DLC1: variants seen among roughly 807,000 people sequenced by gnomAD.
The protein encoded by DLC1 is DLC1 Rho GTPase activating protein, also known as rho GTPase-activating protein 7.
In DLC1, 54 loss-of-function variants were observed where a neutral mutation model predicts 140.3. That is an observed-to-expected ratio of 0.38 (90% CI 0.31 to 0.48). DLC1 has a LOEUF of 0.48. Ranked by LOEUF, DLC1 falls within the 20% of genes least tolerant of loss-of-function variation. The probability of loss-of-function intolerance (pLI) is 0.96; values close to 1 mark genes in which losing one functional copy is unlikely to be tolerated. For missense variants in DLC1, 2,536 were observed against 1,907.0 expected (o/e 1.33, Z -6.14); for synonymous variants, 986 against 728.1 (o/e 1.35, Z -5.70).
At chr8:13,345,298 G>A (rs958142861) in intron 4 of DLC1, among the ~76,000 whole-genome samples, 5 of 152,086 alleles carry the variant, frequency 3.3e-5, no homozygotes, top group African/African-American at 1.2e-4. Flanking sequence ...GTAATAACAA[G>A]CAACTTGAGA....
At chr8:13,598,349 A>T (rs997814834) in intron 1 of DLC1, among the ~76,000 whole-genome samples, 4 of 151,452 alleles carry the variant, frequency 2.6e-5, no homozygotes, top group Middle Eastern at 3.2e-3. Context: ...AAACACAACA[A>T]GGGTGTCTCT....
chr8:13,508,970 C>T (rs980976696), intron 1 of DLC1, among the ~76,000 whole-genome samples: 1 of 152,074 alleles, frequency 6.6e-6, no homozygotes, highest in Non-Finnish European at 1.5e-5. Flanking sequence ...GATCTTGTTT[C>T]ACTTGAAATT....
intron 5 of DLC1, among the ~76,000 whole-genome samples, chr8:13,292,889 C>T (rs889746593): frequency 1.3e-5 from 2 of 152,010 alleles, no homozygotes; most frequent in Non-Finnish European, 2.9e-5. Context: ...TAGTTAGGAG[C>T]AGCAGCATGT....
intron 4 of DLC1, among the ~76,000 whole-genome samples, chr8:13,375,792 A>G (rs1007462326): frequency 6.6e-6 from 1 of 152,144 alleles, no homozygotes; most frequent in African/African-American, 2.4e-5. Context: ...CTTGGCCATC[A>G]TTTGAATTCA....
At chr8:13,135,773 T>C (rs1272593064) in intron 5 of DLC1, among the ~76,000 whole-genome samples, 1 of 152,206 alleles carries the variant, frequency 6.6e-6, no homozygotes, top group African/African-American at 2.4e-5. Context: ...CATTCATCTT[T>C]CCAGAGTAAA....
chr8:13,221,726 G>GTATATATATATATA (rs377039517), intron 5 of DLC1, among the ~76,000 whole-genome samples: 1 of 132,448 alleles, frequency 7.6e-6, no homozygotes, highest in African/African-American at 2.9e-5. Context: ...GTGTGTGTGT[G>GTATATATATATATA]TATATATATA....
chr8:13,157,074 C>G (rs1298493192), intron 5 of DLC1, among the ~76,000 whole-genome samples: 1 of 152,168 alleles, frequency 6.6e-6, no homozygotes, highest in African/African-American at 2.4e-5. Flanking sequence ...CTTTTTGGAA[C>G]TTTGTCATGC....
intron 16 of DLC1, 125 bp from the exon 17 acceptor site, chr8:13,086,588 C>T (rs888184740): frequency 1.9e-6 from 2 of 1,075,846 alleles, no homozygotes; most frequent in Non-Finnish European, 2.7e-6. Context: ...GCTGTGTGAC[C>T]CAGGCCTAGG....
chr8:13,418,390 T>G (rs927540997), intron 2 of DLC1, among the ~76,000 whole-genome samples: 1 of 152,226 alleles, frequency 6.6e-6, no homozygotes, highest in African/African-American at 2.4e-5. Context: ...TTAATTTTTG[T>G]ATAAGGTGTA....
At chr8:13,216,240 G>A (rs778223923) in intron 5 of DLC1, among the ~76,000 whole-genome samples, 25 of 152,144 alleles carry the variant, frequency 1.6e-4, no homozygotes, top group Admixed American at 2.6e-4. Context: ...TACACCAAAG[G>A]TCTCATTTGA....
chr8:13,327,041 G>A (rs978582352), intron 4 of DLC1, among the ~76,000 whole-genome samples: 26 of 151,170 alleles, frequency 1.7e-4, no homozygotes, highest in Non-Finnish European at 3.7e-4. Flanking sequence ...TGCAAGCTCC[G>A]CCTCCCAGGT....
rs1022947611 is a variant in DLC1, at chr8:13,218,999, A to T, written c.1348+86270T>A. On this transcript the variant is annotated intron_variant, in intron 5 of 17. Transcript: ENST00000276297. The stretch of plus-strand genomic sequence containing the variant: ...GTATATAACTATATAATTATATACG[A>T]ATATAATTATATAATTATATACGTA... Among the ~76,000 whole-genome samples the T allele has an allele frequency of 2.8e-3, 245 of 88,598 alleles. 49 individuals carry two copies. Among genetic ancestry groups the T allele is most frequent in the Non-Finnish European group, 4.4e-3 (212 of 48,350 alleles). The allele number at this position is 88,598 out of a possible 152,430, so 58.1% of individuals were successfully genotyped here. A position where few individuals can be genotyped will look rare whatever the true frequency, so the allele number is the denominator to read the frequency against.
intron 5 of DLC1, among the ~76,000 whole-genome samples, chr8:13,173,025 G>C (rs894936525): frequency 3.9e-5 from 6 of 152,166 alleles, no homozygotes; most frequent in Non-Finnish European, 8.8e-5. Context: ...ACAGCATTTT[G>C]TCCTGGCACA....
intron 2 of DLC1, among the ~76,000 whole-genome samples, chr8:13,431,108 A>C (rs1838842046): frequency 6.6e-6 from 1 of 152,212 alleles, no homozygotes; most frequent in Non-Finnish European, 1.5e-5. Context: ...AACACTATTC[A>C]AAGTAGCTTA....
intron 1 of DLC1, among the ~76,000 whole-genome samples, chr8:13,531,086 A>G (rs1209516211): frequency 6.6e-6 from 1 of 152,128 alleles, no homozygotes; most frequent in African/African-American, 2.4e-5. Context: ...CCAGGTGAAG[A>G]CATGGGAAGA....
intron 2 of DLC1, among the ~76,000 whole-genome samples, chr8:13,465,395 C>T (rs929916463): frequency 3.9e-5 from 6 of 152,124 alleles, no homozygotes; most frequent in African/African-American, 1.4e-4. Context: ...TTGATCCTGA[C>T]TCTGGCACTT....
At chr8:13,444,903 T>C (rs183119509) in intron 2 of DLC1, among the ~76,000 whole-genome samples, 1 of 152,344 alleles carries the variant, frequency 6.6e-6, no homozygotes, top group Admixed American at 6.5e-5. Flanking sequence ...CGTTCATGTA[T>C]GAAGAAGTCA....
chr8:13,255,799 G>T (rs574050502), intron 5 of DLC1, among the ~76,000 whole-genome samples: 1 of 152,114 alleles, frequency 6.6e-6, no homozygotes, highest in South Asian at 2.1e-4. Context: ...ATCCACGCTC[G>T]TCTTTGCAGC....
chr8:13,568,179 T>C (rs1804524369), intron 1 of DLC1: 2 of 477,370 alleles, frequency 4.2e-6, no homozygotes, highest in Non-Finnish European at 7.5e-6. Flanking sequence ...ATGTTGATGG[T>C]ACAGAAGCAA....
Sources: allele counts gnomAD v4.1 joint callset (sites outside exome capture counted in the v4.1 genomes callset), GRCh38; gene constraint gnomAD v4.1.1; transcripts MANE v1.5; gene names NCBI Gene and HGNC (gene_info 2026-07-23, HGNC 2026-07-21).